Variants in PTPRO observed in about 807,000 individuals in gnomAD.
PTPRO encodes protein tyrosine phosphatase receptor type O.
In PTPRO, 62 loss-of-function variants were observed where a neutral mutation model predicts 145.2. The ratio of observed to expected loss-of-function variants is 0.43; its 90% CI spans 0.35 to 0.53. The LOEUF (loss-of-function observed/expected upper bound fraction) is 0.53, where lower values mean the gene tolerates loss of function less well. PTPRO is among the 20% of genes least tolerant of loss of function. The probability of loss-of-function intolerance (pLI) is 0.01; values close to 1 mark genes in which losing one functional copy is unlikely to be tolerated. For missense variants in PTPRO, 1,345 were observed against 1,482.7 expected (o/e 0.91, Z 1.53); for synonymous variants, 565 against 514.7 (o/e 1.10, Z -1.32).
At chr12:15,411,642 G>A (rs1000894681) in intron 1 of PTPRO, among the ~76,000 whole-genome samples, 1 of 152,214 alleles carries the variant, frequency 6.6e-6, no homozygotes, top group Non-Finnish European at 1.5e-5. Flanking sequence ...GCACATTGAA[G>A]CTTCATCTCA....
intron 1 of PTPRO, among the ~76,000 whole-genome samples, chr12:15,419,068 C>A (rs1290410588): frequency 1.3e-5 from 2 of 151,488 alleles, no homozygotes; most frequent in African/African-American, 4.9e-5. Flanking sequence ...AGTTACAGTA[C>A]ACAGAAGATA....
intron 1 of PTPRO, among the ~76,000 whole-genome samples, chr12:15,324,569 A>G (rs573907006): frequency 6.6e-6 from 1 of 152,328 alleles, no homozygotes; most frequent in South Asian, 2.1e-4. Context: ...AACTGCTTCC[A>G]TAGTAAATAC....
At chr12:15,574,763 T>C (rs189180380) in intron 19 of PTPRO, among the ~76,000 whole-genome samples, 41 of 152,324 alleles carry the variant, frequency 2.7e-4, no homozygotes, top group Non-Finnish European at 4.7e-4. Flanking sequence ...GAAAATGACT[T>C]GTTGGATTTT....
At chr12:15,343,832 T>C (rs867307224) in intron 1 of PTPRO, among the ~76,000 whole-genome samples, 9 of 152,144 alleles carry the variant, frequency 5.9e-5, no homozygotes, top group Admixed American at 1.3e-4. Context: ...CAGAGGCGCC[T>C]GCCACCACGC....
At chr12:15,413,640 C>G (rs936103976) in intron 1 of PTPRO, among the ~76,000 whole-genome samples, 1 of 152,024 alleles carries the variant, frequency 6.6e-6, no homozygotes, top group African/African-American at 2.4e-5. Flanking sequence ...GATGATAAAA[C>G]CCTGTCTCTA....
At position 15,484,018 on chromosome 12, in the gene PTPRO, C is replaced by G; in HGVS notation, c.120C>G (p.Ile40Met). The change falls in exon 2 of 27, where the codon ATC becomes ATG. Residue 40 changes from isoleucine to methionine, a missense_variant. Coordinates refer to ENST00000281171, the MANE Select transcript of PTPRO (RefSeq NM_030667.3). The part of the protein sequence containing the change: ...FHVTVQDDNN[I>M]VVSLEASDVI... ...TAACTGTCCAAGATGATAATAACATCGTTGTCTCATTAGAAGCTTCAGACG... is the reference window on the plus strand; with the variant it reads ...TAACTGTCCAAGATGATAATAACATGGTTGTCTCATTAGAAGCTTCAGACG... The G allele has an allele frequency of 6.2e-7, 1 of 1,613,522 alleles. No individual in the cohort carries two copies. Among genetic ancestry groups the G allele is most frequent in the Non-Finnish European group, 8.5e-7 (1 of 1,179,532 alleles).
At chr12:15,521,255 C>T (rs1349860426) in intron 10 of PTPRO, among the ~76,000 whole-genome samples, 2 of 151,882 alleles carry the variant, frequency 1.3e-5, no homozygotes, top group Non-Finnish European at 2.9e-5. Flanking sequence ...AGAAATCAAT[C>T]ATCTGTGAAT....
intron 1 of PTPRO, among the ~76,000 whole-genome samples, chr12:15,468,036 C>T (rs993905140): frequency 2.6e-5 from 4 of 152,122 alleles, no homozygotes; most frequent in Admixed American, 2.6e-4. Context: ...CTTGGGGGCT[C>T]TCATCTTATA....
intron 1 of PTPRO, among the ~76,000 whole-genome samples, chr12:15,442,735 G>A (rs1331513843): frequency 1.3e-5 from 2 of 151,798 alleles, no homozygotes; most frequent in South Asian, 2.1e-4. Context: ...AATGCAATCC[G>A]ATTTACAATA....
At chr12:15,367,899 G>A (rs1456601425) in intron 1 of PTPRO, among the ~76,000 whole-genome samples, 1 of 152,108 alleles carries the variant, frequency 6.6e-6, no homozygotes, top group Non-Finnish European at 1.5e-5. Flanking sequence ...TGGAGTGAAG[G>A]GAGTCATAGC....
chr12:15,412,721 A>T (rs771233123), intron 1 of PTPRO, among the ~76,000 whole-genome samples: 1 of 152,246 alleles, frequency 6.6e-6, no homozygotes, highest in African/African-American at 2.4e-5. Flanking sequence ...ACATTTTATA[A>T]AACACATTTA....
intron 1 of PTPRO, among the ~76,000 whole-genome samples, chr12:15,482,378 G>C (rs536909265): frequency 6.6e-6 from 1 of 152,154 alleles, no homozygotes; most frequent in South Asian, 2.1e-4. Context: ...CCAAGGAAGG[G>C]AGAGAGAGGG....
chr12:15,482,699 T>C (rs555774109), intron 1 of PTPRO, among the ~76,000 whole-genome samples: 1 of 152,246 alleles, frequency 6.6e-6, no homozygotes, highest in East Asian at 1.9e-4. Flanking sequence ...AATCAATAAA[T>C]TGAGTAATTT....
chr12:15,351,082 G>C (rs1300700724), intron 1 of PTPRO, among the ~76,000 whole-genome samples: 1 of 152,058 alleles, frequency 6.6e-6, no homozygotes, highest in East Asian at 1.9e-4. Flanking sequence ...TGGCGGACTT[G>C]GAGAAACAGA....
intron 21 of PTPRO, among the ~76,000 whole-genome samples, 157 bp downstream of exon 21, chr12:15,580,272 TAGAA>T (rs1944282149): frequency 6.6e-6 from 1 of 152,190 alleles, no homozygotes; most frequent in Non-Finnish European, 1.5e-5. Flanking sequence ...TAATAAAGAA[TAGAA>T]AGAAAAAGTC....
chr12:15,532,445 A>G (rs1942981462), intron 12 of PTPRO, among the ~76,000 whole-genome samples: 1 of 152,116 alleles, frequency 6.6e-6, no homozygotes, highest in African/African-American at 2.4e-5. Context: ...ACATGGGACA[A>G]TTTGTCTTTT....
chr12:15,367,258 G>A (rs1938391041), intron 1 of PTPRO, among the ~76,000 whole-genome samples: 1 of 152,062 alleles, frequency 6.6e-6, no homozygotes. Context: ...ATAATAAGAA[G>A]CACTACAAAA....
chr12:15,454,934 G>C (rs549888385), intron 1 of PTPRO, among the ~76,000 whole-genome samples: 17 of 151,998 alleles, frequency 1.1e-4, no homozygotes, highest in African/African-American at 4.1e-4. Context: ...CTCTTCCATC[G>C]GTCTATATGT....
rs56136736 is a variant in PTPRO at position 15,448,339 on chromosome 12, T to TAAAAAAAAAAAAAAAAAAAAAAAAA, written c.76-35614_76-35613insAAAAAAAAAAAAAAAAAAAAAAAAA. On this transcript the variant is annotated intron_variant, in intron 1 of 26. Coordinates refer to ENST00000281171, the MANE Select transcript of PTPRO (RefSeq NM_030667.3). Reference sequence around the variant, plus strand: ...CTCTATTCTATCTTCCTGTTCCTAGTAAAAAAAAAAAAAAAAAAAAAGCAC... The same window carrying TAAAAAAAAAAAAAAAAAAAAAAAAA: ...CTCTATTCTATCTTCCTGTTCCTAGTAAAAAAAAAAAAAAAAAAAAAAAAAAAAAAAAAAAAAAAAAAAAAAGCAC... 1.3e-4 allele frequency among the ~76,000 whole-genome samples: 6 copies of TAAAAAAAAAAAAAAAAAAAAAAAAA among 45,046 alleles called. 3 individuals carry two copies. The highest frequency in any genetic ancestry group is 2.6e-4 in the Non-Finnish European group (6 of 23,416). 29.6% of individuals were successfully genotyped at this position (45,046 alleles called of 152,430 possible). A position where few individuals can be genotyped will look rare whatever the true frequency, so the allele number is the denominator to read the frequency against.
Sources: allele counts gnomAD v4.1 joint callset (sites outside exome capture counted in the v4.1 genomes callset), GRCh38; gene constraint gnomAD v4.1.1; transcripts MANE v1.5; gene names NCBI Gene and HGNC (gene_info 2026-07-23, HGNC 2026-07-21).